Variants in INPP4B observed in about 807,000 individuals in gnomAD.
INPP4B encodes the protein inositol polyphosphate-4-phosphatase type II B, also known as inositol polyphosphate 4-phosphatase type II.
A neutral mutation model predicts 122.5 loss-of-function variants in INPP4B; 55 were observed. The ratio of observed to expected loss-of-function variants is 0.45; its 90% CI spans 0.36 to 0.56. The LOEUF is 0.56. Among genes scored for constraint, INPP4B ranks in the 20% least tolerant of loss-of-function variants. The pLI is 0.00. For synonymous variants in INPP4B, 403 were observed against 388.7 expected, an observed-to-expected ratio of 1.04 and a Z score of -0.43; for missense variants, 1,000 against 1,097.7, an observed-to-expected ratio of 0.91 and a Z score of 1.26.
At chr4:142,654,367 T>TTAAAAAAAAAAAAAAAAAAA (rs766012808) in intron 2 of INPP4B, 2 of 101,000 alleles carry the variant, frequency 2.0e-5, no homozygotes, top group East Asian at 6.2e-4. Flanking sequence ...ACTTAAAGTA[T>TTAAAAAAAAAAAAAAAAAAA]AAAAAAAAAA....
At chr4:142,182,281 G>A (rs936808672) in intron 15 of INPP4B, among the ~76,000 whole-genome samples, 2 of 152,100 alleles carry the variant, frequency 1.3e-5, no homozygotes, top group Non-Finnish European at 2.9e-5. Flanking sequence ...GGGCACGGTG[G>A]CTCACGCCTA....
At chr4:142,056,096 C>T (rs1003811597) in intron 25 of INPP4B, among the ~76,000 whole-genome samples, 15 of 151,986 alleles carry the variant, frequency 9.9e-5, no homozygotes, top group Admixed American at 5.9e-4. Flanking sequence ...GAGAATCGAA[C>T]GTCTGTGTTG....
At chr4:142,253,023 TGTATA>T (rs1733217397) in intron 11 of INPP4B, among the ~76,000 whole-genome samples, 1 of 152,236 alleles carries the variant, frequency 6.6e-6, no homozygotes, top group Admixed American at 6.5e-5. Context: ...GGCTACAATC[TGTATA>T]GTATGTTACT....
chr4:142,351,539 T>A (rs1305579178), intron 7 of INPP4B, among the ~76,000 whole-genome samples: 1 of 152,010 alleles, frequency 6.6e-6, no homozygotes, highest in Non-Finnish European at 1.5e-5. Flanking sequence ...TAACATTTTG[T>A]TAATCACTTG....
intron 8 of INPP4B, among the ~76,000 whole-genome samples, chr4:142,309,829 G>A (rs752183608): frequency 1.3e-5 from 2 of 152,182 alleles, no homozygotes; most frequent in South Asian, 4.1e-4. Flanking sequence ...CACCTAGCTG[G>A]AGAGTAATAT....
chr4:142,643,600 C>CT (rs970506896), intron 2 of INPP4B, among the ~76,000 whole-genome samples: 1 of 152,046 alleles, frequency 6.6e-6, no homozygotes, highest in East Asian at 1.9e-4. Context: ...TATATTTCAA[C>CT]TTTTTTTGAA....
At chr4:142,412,079 T>C (rs933822187) in intron 5 of INPP4B, among the ~76,000 whole-genome samples, 1 of 152,196 alleles carries the variant, frequency 6.6e-6, no homozygotes, top group African/African-American at 2.4e-5. Flanking sequence ...GTCACATATA[T>C]GTCCTTCCTC....
At position 142,314,729 on chromosome 4, in the gene INPP4B, G is replaced by T. The variant is rs774913443; in HGVS notation, c.406C>A (p.Pro136Thr). 7.5e-6 allele frequency: 12 copies of T among 1,601,312 alleles called. No homozygotes were observed. The highest frequency in any genetic ancestry group is 1.7e-5 in the Admixed American group (1 of 57,632). Residue 136 changes from proline to threonine, a missense_variant, in exon 8 of 26, where the codon CCC (proline) becomes ACC (threonine). Physicochemically the swap from Pro to Thr is conservative, Grantham distance 38 (BLOSUM62 -1). Coordinates refer to ENST00000262992, the MANE Select transcript of INPP4B (RefSeq NM_001101669.3). ...RTSVLPEHKD[P>T]PPEVGRSFLG... ...ACACTTACCCCAACTTCTGGCGGGG[G>T]ATCCTTATGTTCTGGTAGGACACTG...
intron 12 of INPP4B, among the ~76,000 whole-genome samples, chr4:142,214,938 ATTAT>A (rs1846458326): frequency 6.6e-6 from 1 of 152,224 alleles, no homozygotes; most frequent in African/African-American, 2.4e-5. Flanking sequence ...TATTTTCCTC[ATTAT>A]TTGTCATCGT....
intron 1 of INPP4B, among the ~76,000 whole-genome samples, chr4:142,769,662 C>A (rs959951384): frequency 1.3e-5 from 2 of 152,116 alleles, no homozygotes; most frequent in Admixed American, 1.3e-4. Flanking sequence ...CACCTGTAAT[C>A]CCAACAATTT....
At position 142,024,014 on chromosome 4, in the gene INPP4B, C is replaced by G. The variant is rs1020809191; in HGVS notation, c.*4768G>C. ...TGTTATTAATAGCAAGACATATGTT[C>G]CTTTTAGAAATGTTTGATTCTCTTA... On this transcript the variant is annotated 3_prime_UTR_variant, in exon 26 of 26. Transcript: ENST00000262992. 6.6e-6 allele frequency: 1 copy of G among 151,480 alleles called. No individual in the cohort carries two copies. The allele number at this position is 151,480 out of a possible 1,614,324, so 9.4% of individuals were successfully genotyped here. A position where few individuals can be genotyped will look rare whatever the true frequency, so the allele number is the denominator to read the frequency against.
chr4:142,480,036 C>T (rs1283749914), intron 2 of INPP4B, among the ~76,000 whole-genome samples: 1 of 152,130 alleles, frequency 6.6e-6, no homozygotes, highest in Non-Finnish European at 1.5e-5. Flanking sequence ...AATAGACTAT[C>T]ACTAGTTATC....
At chr4:142,068,317 A>C (rs556685988) in intron 25 of INPP4B, among the ~76,000 whole-genome samples, 1 of 152,208 alleles carries the variant, frequency 6.6e-6, no homozygotes, top group Non-Finnish European at 1.5e-5. Context: ...GCCTTACAAG[A>C]GCTCCTCAAG....
At chr4:142,185,358 C>A (rs1832670350) in intron 15 of INPP4B, among the ~76,000 whole-genome samples, 1 of 145,276 alleles carries the variant, frequency 6.9e-6, no homozygotes. Flanking sequence ...GAGCTACCTG[C>A]TAGATATATA....
rs748535973 is a variant in INPP4B, at chr4:142,362,023, G to A, written c.372+40915C>T. Reference sequence around the variant, plus strand: ...AAGTAAAACATGAACACAAACAACCGTAATGTATGACAGGTGTCATAAGTA... The same window carrying A: ...AAGTAAAACATGAACACAAACAACCATAATGTATGACAGGTGTCATAAGTA... On this transcript the variant is annotated intron_variant, in intron 7 of 25. Transcript: ENST00000262992. 1.3e-4 allele frequency among the ~76,000 whole-genome samples: 20 copies of A among 151,968 alleles called. 1 individual carries two copies. The highest frequency in any genetic ancestry group is 3.2e-3 in the Middle Eastern group (1 of 316).
intron 2 of INPP4B, among the ~76,000 whole-genome samples, chr4:142,532,338 G>A (rs1393442396): frequency 6.6e-6 from 1 of 152,012 alleles, no homozygotes; most frequent in Non-Finnish European, 1.5e-5. Context: ...ATCTTTGCAG[G>A]GGCTGTTTCT....
At chr4:142,624,430 G>C (rs560699387) in intron 2 of INPP4B, among the ~76,000 whole-genome samples, 110 of 151,678 alleles carry the variant, frequency 7.3e-4, no homozygotes, top group African/African-American at 2.4e-3. Context: ...TTTTTTTCTT[G>C]TAAATTTGTT....
intron 2 of INPP4B, among the ~76,000 whole-genome samples, chr4:142,689,862 T>C (rs1375736347): frequency 6.6e-6 from 1 of 152,224 alleles, no homozygotes; most frequent in African/African-American, 2.4e-5. Flanking sequence ...CCCCTTTTCC[T>C]ATAAAACTAA....
At chr4:142,384,138 AG>A in intron 7 of INPP4B, 1 of 702,050 alleles carries the variant, frequency 1.4e-6, no homozygotes, top group East Asian at 2.7e-5. Context: ...AAGTGTGATC[AG>A]TAAGTTTCCA....
Sources: gnomAD v4.1 joint callset for allele counts (sites outside exome capture counted in the v4.1 genomes callset) on GRCh38, gnomAD v4.1.1 for gene constraint, MANE v1.5 for transcripts, NCBI Gene and HGNC (gene_info 2026-07-23, HGNC 2026-07-21) for gene names.